PLPPR5: variants seen among roughly 807,000 people sequenced by gnomAD.
The protein encoded by PLPPR5 is phospholipid phosphatase related 5, also known as phospholipid phosphatase-related protein type 5.
Under a neutral mutation model 33.9 loss-of-function variants are expected in PLPPR5, and 16 were observed. The ratio of observed to expected loss-of-function variants is 0.47; its 90% CI spans 0.32 to 0.72. The LOEUF (loss-of-function observed/expected upper bound fraction) is 0.72. Among genes scored for constraint, PLPPR5 ranks in the 30% least tolerant of loss-of-function variants. PLPPR5 has a pLI of 0.03. For missense variants in PLPPR5, 301 were observed against 406.7 expected (o/e 0.74, Z 2.23); for synonymous variants, 163 against 150.3 (o/e 1.08, Z -0.62).
At chr1:98,910,799 G>T (rs976653373) in intron 5 of PLPPR5, among the ~76,000 whole-genome samples, 3 of 151,894 alleles carry the variant, frequency 2.0e-5, no homozygotes, top group Non-Finnish European at 4.4e-5. Context: ...TACATCTTAG[G>T]GAGGTGGGAG....
At position 98,901,468 on chromosome 1, in the gene PLPPR5, TA is replaced by T. The variant is rs373871533; in HGVS notation, c.934-8365del. Among the ~76,000 whole-genome samples, 909 of 151,914 alleles carry T rather than the reference TA, an allele frequency of 6.0e-3. 10 individuals are homozygous for T. Among genetic ancestry groups the T allele is most frequent in the African/African-American group, 0.021 (865 of 41,446 alleles). On this transcript the variant is annotated intron_variant, in intron 5 of 5. Coordinates refer to ENST00000263177, the MANE Select transcript of PLPPR5 (RefSeq NM_001037317.2). ...AAATTATGCTTTAATAAATCCAAAT[TA>T]AAAAAAATTAGGCCCACCAGACATA...
chr1:98,914,757 T>C, intron 5 of PLPPR5, 29 bp downstream of exon 5: 1 of 1,580,068 alleles, frequency 6.3e-7, no homozygotes, highest in Non-Finnish European at 8.6e-7. Flanking sequence ...CTCTAGTTAT[T>C]ATAATTTAGA....
intron 3 of PLPPR5, among the ~76,000 whole-genome samples, chr1:98,928,547 T>TCATATATATATATATATATATATA (rs1649845988): frequency 2.1e-5 from 1 of 47,486 alleles, no homozygotes; most frequent in Non-Finnish European, 4.5e-5. Flanking sequence ...AAGTTTTAAA[T>TCATATATATATATATATATATATA]CATATATATA....
chr1:98,942,368 A>G (rs1328890821), intron 3 of PLPPR5, among the ~76,000 whole-genome samples: 1 of 152,168 alleles, frequency 6.6e-6, no homozygotes, highest in Non-Finnish European at 1.5e-5. Flanking sequence ...TTTTTCCTAT[A>G]TGTTAAGGCA....
chr1:99,003,053 TTACATATATATATATATATA>T (rs1652919019), intron 1 of PLPPR5, among the ~76,000 whole-genome samples: 1 of 72,470 alleles, frequency 1.4e-5, no homozygotes, highest in East Asian at 5.0e-4. Flanking sequence ...GCAACTTATT[TTACATATATATATATATATA>T]TATATATATA....
At chr1:98,934,710 A>G (rs1196610097) in intron 3 of PLPPR5, among the ~76,000 whole-genome samples, 2 of 152,278 alleles carry the variant, frequency 1.3e-5, no homozygotes, top group Non-Finnish European at 2.9e-5. Context: ...CACGTTGATC[A>G]ACAGTTTCTT....
intron 1 of PLPPR5, among the ~76,000 whole-genome samples, chr1:98,972,235 G>A (rs1282989973): frequency 1.3e-5 from 2 of 152,064 alleles, no homozygotes; most frequent in African/African-American, 4.8e-5. Context: ...GCAGATATCT[G>A]AGAATTCTGC....
intron 5 of PLPPR5, among the ~76,000 whole-genome samples, chr1:98,908,664 T>C (rs1412873376): frequency 6.6e-6 from 1 of 152,134 alleles, no homozygotes; most frequent in Non-Finnish European, 1.5e-5. Context: ...TTGTGGATCC[T>C]GTAAATGACA....
intron 1 of PLPPR5, among the ~76,000 whole-genome samples, chr1:98,974,499 A>G (rs1476009704): frequency 6.6e-6 from 1 of 152,070 alleles, no homozygotes; most frequent in Admixed American, 6.6e-5. Context: ...TGAGGAGTAG[A>G]AAATAGAAGA....
Position 98,956,685 on chromosome 1 carries a change from T to C in PLPPR5, c.294A>G (p.Glu98=). 1 of 1,600,964 alleles carries C rather than the reference T, an allele frequency of 6.2e-7. No individual in the cohort carries two copies. The highest frequency in any genetic ancestry group is 8.5e-7 in the Non-Finnish European group (1 of 1,175,054). Residue 98 remains glutamate, a synonymous_variant, in exon 2 of 6, where the codon GAA becomes GAG. Transcript: ENST00000263177. The part of the protein sequence containing the change: ...FCLQLATRDF[E]NQEKTILTGD... ...CAGTTAAAATAGTTTTTTCCTGGTT[T>C]TCAAAATCCCTTGTGGCTAGTTGTA...
rs1557659077 is a variant in PLPPR5 at position 98,892,714 on chromosome 1, C to T, written c.*358G>A. 1.0e-5 allele frequency: 2 copies of T among 191,278 alleles called. No homozygotes were observed. Among genetic ancestry groups the T allele is most frequent in the African/African-American group, 2.4e-5 (1 of 42,252 alleles). The allele number at this position is 191,278 out of a possible 1,614,324, so 11.8% of individuals were successfully genotyped here. The stretch of plus-strand genomic sequence containing the variant: ...TAGCCCAAAATAGAAGGTTTTCATA[C>T]ACAAATACGATTTATGTAGAGATTT... On this transcript the variant is annotated 3_prime_UTR_variant, in exon 6 of 6. Transcript: ENST00000263177.
At chr1:98,895,740 C>T (rs2101130423) in intron 5 of PLPPR5, among the ~76,000 whole-genome samples, 1 of 152,152 alleles carries the variant, frequency 6.6e-6, no homozygotes, top group South Asian at 2.1e-4. Flanking sequence ...TAAGTTTTAA[C>T]TTCTGAGGTG....
At chr1:98,966,793 G>A (rs1054882961) in intron 1 of PLPPR5, among the ~76,000 whole-genome samples, 6 of 152,172 alleles carry the variant, frequency 3.9e-5, no homozygotes, top group African/African-American at 1.4e-4. Flanking sequence ...CACCCACTGG[G>A]TGGGATGAGC....
intron 1 of PLPPR5, among the ~76,000 whole-genome samples, chr1:98,960,115 C>A (rs1251641867): frequency 1.3e-5 from 2 of 152,000 alleles, no homozygotes; most frequent in African/African-American, 4.8e-5. Context: ...CATGGAACCC[C>A]TCATCAAAAC....
intron 3 of PLPPR5, among the ~76,000 whole-genome samples, chr1:98,945,959 C>G (rs1019515213): frequency 3.9e-5 from 6 of 152,178 alleles, no homozygotes; most frequent in African/African-American, 1.2e-4. Context: ...TGTACTCACC[C>G]TGCCATGGCT....
In PLPPR5 at chr1:99,004,759, G is replaced by T; in HGVS notation, c.-88C>A. 1 of 878,760 alleles carries T rather than the reference G, an allele frequency of 1.1e-6. No homozygotes were observed. Among genetic ancestry groups the T allele is most frequent in the Non-Finnish European group, 1.5e-6 (1 of 668,570 alleles). 54.4% of individuals were successfully genotyped at this position (878,760 alleles called of 1,614,324 possible). ...CCGGTCCGCCGAGGCAGCCACCGGG[G>T]GCGCGGCGGCGGAGGCGGCGGGAGG... On this transcript the variant is annotated 5_prime_UTR_variant, in exon 1 of 6. Coordinates refer to ENST00000263177, the MANE Select transcript of PLPPR5 (RefSeq NM_001037317.2).
At position 99,004,683 on chromosome 1, in the gene PLPPR5, G is replaced by C. The variant is rs1369394962; in HGVS notation, c.-12C>G. On this transcript the variant is annotated 5_prime_UTR_variant, in exon 1 of 6. Coordinates refer to ENST00000263177, the MANE Select transcript of PLPPR5 (RefSeq NM_001037317.2). ...GGCAGCAGGGGCATGCACGCCTCCC[G>C]GGCCGGGCCGAGCCGAGCCGAGCGG... 2 of 1,574,162 alleles carry C rather than the reference G, an allele frequency of 1.3e-6. No homozygotes were observed. The highest frequency in any genetic ancestry group is 8.6e-7 in the Non-Finnish European group (1 of 1,161,146).
At chr1:98,894,653 G>C (rs1648402808) in intron 5 of PLPPR5, among the ~76,000 whole-genome samples, 1 of 152,024 alleles carries the variant, frequency 6.6e-6, no homozygotes, top group Non-Finnish European at 1.5e-5. Context: ...AAGAAAGGAG[G>C]TAAGAAATAA....
At chr1:98,907,660 T>A (rs1229967242) in intron 5 of PLPPR5, among the ~76,000 whole-genome samples, 2 of 152,224 alleles carry the variant, frequency 1.3e-5, no homozygotes, top group Admixed American at 1.3e-4. Context: ...AAAAGATTCA[T>A]CAGTTATCTC....
Sources: allele counts gnomAD v4.1 joint callset (sites outside exome capture counted in the v4.1 genomes callset), GRCh38; gene constraint gnomAD v4.1.1; transcripts MANE v1.5; gene names NCBI Gene and HGNC (gene_info 2026-07-23, HGNC 2026-07-21).